Variants in SIPA1L1 observed in about 807,000 individuals in gnomAD.
SIPA1L1 encodes signal-induced proliferation-associated 1-like protein 1.
A neutral mutation model predicts 162.7 loss-of-function variants in SIPA1L1; 26 were observed. The observed-to-expected ratio is 0.16, with a 90% CI of 0.12 to 0.22. The LOEUF is 0.22. Ranked by LOEUF, SIPA1L1 falls within the 10% of genes least tolerant of loss-of-function variation. SIPA1L1 has a pLI of 1.00. For synonymous variants in SIPA1L1, 829 were observed against 837.4 expected (o/e 0.99, Z 0.17); for missense variants, 1,874 against 2,241.0 (o/e 0.84, Z 3.31).
intron 2 of SIPA1L1, among the ~76,000 whole-genome samples, chr14:71,438,327 G>A (rs954014217): frequency 6.6e-6 from 1 of 151,950 alleles, no homozygotes; most frequent in Non-Finnish European, 1.5e-5. Context: ...CCGATTGCAC[G>A]TCCTTGATGA....
At chr14:71,472,689 A>G (rs140493463) in intron 2 of SIPA1L1, among the ~76,000 whole-genome samples, 229 of 151,646 alleles carry the variant, frequency 1.5e-3, no homozygotes, top group Non-Finnish European at 2.5e-3. Flanking sequence ...TCTGAGATAT[A>G]TAGTGTTTCT....
At chr14:71,432,880 T>G (rs990584290) in intron 2 of SIPA1L1, among the ~76,000 whole-genome samples, 10 of 152,236 alleles carry the variant, frequency 6.6e-5, no homozygotes, top group African/African-American at 2.2e-4. Flanking sequence ...CTATTTTGTT[T>G]TTGTGGCTGG....
intron 2 of SIPA1L1, among the ~76,000 whole-genome samples, chr14:71,359,297 G>T (rs191719165): frequency 2.2e-4 from 34 of 152,068 alleles, no homozygotes; most frequent in Non-Finnish European, 4.3e-4. Flanking sequence ...TTCACCTTCC[G>T]CCATGATTGT....
At chr14:71,650,546 T>C in intron 8 of SIPA1L1, 37 bp downstream of exon 8, 12 of 1,597,700 alleles carry the variant, frequency 7.5e-6, no homozygotes, top group Non-Finnish European at 1.0e-5. Context: ...AGGCTTATTT[T>C]CCCCCTGTTG....
At chr14:71,336,592 C>T (rs2035117258) in intron 2 of SIPA1L1, among the ~76,000 whole-genome samples, 1 of 152,152 alleles carries the variant, frequency 6.6e-6, no homozygotes, top group Non-Finnish European at 1.5e-5. Flanking sequence ...TGTCTGCTGA[C>T]ACAGAAACTA....
chr14:71,323,655 A>C (rs1170782752), intron 2 of SIPA1L1, among the ~76,000 whole-genome samples: 4 of 152,190 alleles, frequency 2.6e-5, no homozygotes, highest in African/African-American at 4.8e-5. Flanking sequence ...CTTTGGATCA[A>C]ATCATGGAAG....
intron 8 of SIPA1L1, among the ~76,000 whole-genome samples, chr14:71,656,279 A>G (rs2043048275): frequency 6.6e-6 from 1 of 152,186 alleles, no homozygotes. Flanking sequence ...TCTGGCAGTA[A>G]TCCTTTTAGA....
At chr14:71,452,715 T>C (rs1220376080) in intron 2 of SIPA1L1, among the ~76,000 whole-genome samples, 2 of 152,198 alleles carry the variant, frequency 1.3e-5, no homozygotes, top group African/African-American at 4.8e-5. Context: ...TTAGTCTTGA[T>C]TTTAGCCATT....
At chr14:71,417,496 A>AAAAAAAAAAAAAAC (rs2042879695) in intron 2 of SIPA1L1, among the ~76,000 whole-genome samples, 1 of 147,204 alleles carries the variant, frequency 6.8e-6, no homozygotes, top group African/African-American at 2.5e-5. Context: ...AAAAAAAAAA[A>AAAAAAAAAAAAAAC]AAAAAAAGAA....
chr14:71,483,487 A>C (rs1456447723), intron 2 of SIPA1L1, among the ~76,000 whole-genome samples: 1 of 152,182 alleles, frequency 6.6e-6, no homozygotes, highest in Non-Finnish European at 1.5e-5. Flanking sequence ...GGAGCCACTG[A>C]TAATTGTTGG....
intron 4 of SIPA1L1, among the ~76,000 whole-genome samples, chr14:71,563,917 G>A (rs1189955427): frequency 1.3e-5 from 2 of 152,160 alleles, no homozygotes; most frequent in Admixed American, 6.5e-5. Context: ...TACAGAAAGT[G>A]CTCAGTAGAT....
chr14:71,412,437 G>T (rs1470752750), intron 2 of SIPA1L1, among the ~76,000 whole-genome samples: 1 of 152,170 alleles, frequency 6.6e-6, no homozygotes, highest in Non-Finnish European at 1.5e-5. Context: ...TTTACCCACG[G>T]TTTTCTTCTG....
chr14:71,469,454 A>G (rs1444036785), intron 2 of SIPA1L1, among the ~76,000 whole-genome samples: 1 of 152,200 alleles, frequency 6.6e-6, no homozygotes, highest in African/African-American at 2.4e-5. Context: ...CCTAGAGGTC[A>G]AAAGCTTTAT....
intron 3 of SIPA1L1, among the ~76,000 whole-genome samples, chr14:71,527,280 TG>T (rs1379277146): frequency 3.3e-5 from 5 of 152,120 alleles, no homozygotes; most frequent in African/African-American, 9.6e-5. Flanking sequence ...CCCAAATAGC[TG>T]GGACTATAGG....
intron 14 of SIPA1L1, among the ~76,000 whole-genome samples, chr14:71,700,509 G>C (rs543337313): frequency 2.6e-5 from 4 of 152,340 alleles, no homozygotes; most frequent in South Asian, 2.1e-4. Context: ...TTAGGGAGGA[G>C]ATGGCAAAAA....
intron 10 of SIPA1L1, among the ~76,000 whole-genome samples, chr14:71,662,185 T>C (rs2043587571): frequency 6.6e-6 from 1 of 152,218 alleles, no homozygotes; most frequent in Non-Finnish European, 1.5e-5. Context: ...TATCTTTCCA[T>C]CCCTAAAAAA....
At chr14:71,543,985 GTATA>G (rs1331286481) in intron 4 of SIPA1L1, among the ~76,000 whole-genome samples, 1 of 148,736 alleles carries the variant, frequency 6.7e-6, no homozygotes, top group African/African-American at 2.5e-5. Context: ...ACACGCACAT[GTATA>G]TATACACACA....
chr14:71,606,700 G>T (rs1450619595), intron 5 of SIPA1L1, among the ~76,000 whole-genome samples: 1 of 151,984 alleles, frequency 6.6e-6, no homozygotes, highest in Admixed American at 6.6e-5. Flanking sequence ...CACTTACCCT[G>T]CACTAGGGAG....
chr14:71,694,781 C>T (rs1057183711), intron 13 of SIPA1L1, among the ~76,000 whole-genome samples: 3 of 152,152 alleles, frequency 2.0e-5, no homozygotes, highest in Non-Finnish European at 4.4e-5. Flanking sequence ...TAACATCAGA[C>T]GTTTGGGGCT....
Sources: allele counts gnomAD v4.1 joint callset (sites outside exome capture counted in the v4.1 genomes callset), GRCh38; gene constraint gnomAD v4.1.1; transcripts MANE v1.5; gene names NCBI Gene and HGNC (gene_info 2026-07-23, HGNC 2026-07-21).